The following UBE2D1 variants were observed in gnomAD, a reference collection of about 807,000 sequenced individuals.
The protein encoded by UBE2D1 is ubiquitin-conjugating enzyme E2 D1.
In UBE2D1, 9 loss-of-function variants were observed where a neutral mutation model predicts 24.6. That is an observed-to-expected ratio of 0.37 (90% CI 0.22 to 0.64). The LOEUF (loss-of-function observed/expected upper bound fraction) is 0.64, where lower values mean the gene tolerates loss of function less well. Ranked by LOEUF, UBE2D1 falls within the 30% of genes least tolerant of loss-of-function variation. UBE2D1 has a pLI of 0.64. For missense variants in UBE2D1, 87 were observed against 177.1 expected (o/e 0.49, Z 2.89); for synonymous variants, 57 against 57.6 (o/e 0.99, Z 0.04).
chr10:58,360,431 GA>G (rs112317823), intron 1 of UBE2D1, among the ~76,000 whole-genome samples: 80 of 146,384 alleles, frequency 5.5e-4, no homozygotes, highest in Middle Eastern at 3.5e-3. Flanking sequence ...TCTGTTAGAG[GA>G]AAAAAAAAAA....
At chr10:58,346,070 G>A (rs150266451) in intron 1 of UBE2D1, among the ~76,000 whole-genome samples, 2,924 of 150,744 alleles carry the variant, frequency 0.019, 45 homozygotes, top group Non-Finnish European at 0.031. Context: ...GAGTGCAGTG[G>A]TACAATCTTT....
At chr10:58,362,539 C>T (rs1350817506) in intron 3 of UBE2D1, among the ~76,000 whole-genome samples, 2 of 151,994 alleles carry the variant, frequency 1.3e-5, no homozygotes, top group Non-Finnish European at 2.9e-5. Context: ...AAAGGCCCAC[C>T]CTTACCTTTT....
chr10:58,365,092 GA>G (rs1164399351), intron 5 of UBE2D1, among the ~76,000 whole-genome samples: 1 of 152,144 alleles, frequency 6.6e-6, no homozygotes, highest in Non-Finnish European at 1.5e-5. Context: ...GATGAAATGA[GA>G]AAAAACCTTA....
chr10:58,337,338 G>A (rs999618833), intron 1 of UBE2D1, among the ~76,000 whole-genome samples: 4 of 152,034 alleles, frequency 2.6e-5, no homozygotes, highest in Admixed American at 2.0e-4. Context: ...AACCTTAGGG[G>A]TGATTATTTT....
intron 1 of UBE2D1, among the ~76,000 whole-genome samples, chr10:58,341,615 C>G (rs1839962358): frequency 6.6e-6 from 1 of 152,100 alleles, no homozygotes; most frequent in African/African-American, 2.4e-5. Context: ...TTTTAAGAAG[C>G]CAGGCACATA....
chr10:58,360,004 A>G (rs745617442), intron 1 of UBE2D1, among the ~76,000 whole-genome samples: 9 of 152,066 alleles, frequency 5.9e-5, no homozygotes, highest in Admixed American at 4.6e-4. Flanking sequence ...TCCCATGTCT[A>G]ATCCAGTCAC....
At chr10:58,347,830 G>A (rs1840033353) in intron 1 of UBE2D1, among the ~76,000 whole-genome samples, 1 of 151,932 alleles carries the variant, frequency 6.6e-6, no homozygotes, top group Non-Finnish European at 1.5e-5. Flanking sequence ...TATATTTTTA[G>A]TAGAGACGAG....
At chr10:58,357,337 GA>G (rs1373481380) in intron 1 of UBE2D1, among the ~76,000 whole-genome samples, 2 of 152,172 alleles carry the variant, frequency 1.3e-5, no homozygotes, top group African/African-American at 4.8e-5. Flanking sequence ...TTATAGCAGA[GA>G]AAGCATAGAT....
Position 58,368,722 on chromosome 10 carries a change from A to T in UBE2D1, c.401A>T (p.Tyr134Phe). The T allele has an allele frequency of 6.3e-7, 1 of 1,587,644 alleles. No individual in the cohort carries two copies. The change falls in exon 7 of 7, where the codon TAC (tyrosine) becomes TTC (phenylalanine). Residue 134 changes from tyrosine (Y) to phenylalanine (F), a missense_variant and splice_region_variant. Physicochemically the swap from Tyr to Phe is conservative, Grantham distance 22 (BLOSUM62 3). Transcript: ENST00000373910. The part of the protein sequence containing the change: ...AQIYKSDKEK[Y>F]NRHAREWTQK... ...ATATCCTTTTTGTGTATCTACAGAT[A>T]CAACAGACATGCAAGAGAATGGACT...
chr10:58,348,409 G>A (rs775617947), intron 1 of UBE2D1, among the ~76,000 whole-genome samples: 9 of 152,176 alleles, frequency 5.9e-5, no homozygotes, highest in Admixed American at 4.6e-4. Flanking sequence ...GAGGCAACAT[G>A]AAAAATGCAA....
Position 58,335,080 on chromosome 10 carries a change from A to C in UBE2D1, c.-122A>C. The C allele has an allele frequency of 1.9e-6, 2 of 1,076,972 alleles. No homozygotes were observed. The highest frequency in any genetic ancestry group is 2.7e-6 in the Non-Finnish European group (2 of 744,326). 66.7% of individuals were successfully genotyped at this position (1,076,972 alleles called of 1,614,324 possible). ...GCCCGGAGCGAGCCAGGGAGCGGCTAACCGGGGACCCACCGCGCGGAGCCA... is the reference window on the plus strand; with the variant it reads ...GCCCGGAGCGAGCCAGGGAGCGGCTCACCGGGGACCCACCGCGCGGAGCCA... On this transcript the variant is annotated 5_prime_UTR_variant, in exon 1 of 7. Coordinates refer to ENST00000373910, the MANE Select transcript of UBE2D1 (RefSeq NM_003338.5).
chr10:58,343,263 CT>C (rs546480276), intron 1 of UBE2D1, among the ~76,000 whole-genome samples: 12 of 151,558 alleles, frequency 7.9e-5, no homozygotes, highest in Admixed American at 1.3e-4. Flanking sequence ...TTCCCAGTAT[CT>C]TTTTTTTTCT....
chr10:58,362,899 G>T (rs7912527), intron 3 of UBE2D1, among the ~76,000 whole-genome samples: 11,037 of 151,922 alleles, frequency 0.073, 518 homozygotes, highest in African/African-American at 0.14. Context: ...GGTATAGTTT[G>T]CTAGCATTTT....
At chr10:58,336,651 C>T (rs1305360449) in intron 1 of UBE2D1, among the ~76,000 whole-genome samples, 1 of 151,988 alleles carries the variant, frequency 6.6e-6, no homozygotes, top group African/African-American at 2.4e-5. Flanking sequence ...ATATAAATAC[C>T]CTAATTTTGA....
chr10:58,349,648 A>G (rs1840052012), intron 1 of UBE2D1, among the ~76,000 whole-genome samples: 1 of 152,094 alleles, frequency 6.6e-6, no homozygotes, highest in African/African-American at 2.4e-5. Flanking sequence ...GTGGCAAAAT[A>G]CATTTTAAAA....
intron 4 of UBE2D1, 50 bp from the exon 5 acceptor site, chr10:58,364,721 A>G: frequency 1.1e-5 from 16 of 1,391,504 alleles, no homozygotes; most frequent in East Asian, 2.3e-5. Flanking sequence ...TTTTATTCAT[A>G]GTTGATTCAA....
At chr10:58,361,598 A>G in intron 3 of UBE2D1, 72 bp downstream of exon 3, 1 of 1,589,640 alleles carries the variant, frequency 6.3e-7, no homozygotes, top group Non-Finnish European at 8.6e-7. Flanking sequence ...ACCTTTGATC[A>G]GATGTTTGTG....
rs189682233 is a variant in UBE2D1 at position 58,350,191 on chromosome 10, G to A, written c.25-11147G>A. ...AAATGCTAGGTCATAGAGTATTTCCGTGTTTGCCATTAGTGGTTACTATCA... is the reference window on the plus strand; with the variant it reads ...AAATGCTAGGTCATAGAGTATTTCCATGTTTGCCATTAGTGGTTACTATCA... On this transcript the variant is annotated intron_variant, in intron 1 of 6. Coordinates refer to ENST00000373910, the MANE Select transcript of UBE2D1 (RefSeq NM_003338.5). Among the ~76,000 whole-genome samples the A allele has an allele frequency of 1.2e-4, 18 of 152,240 alleles. 1 individual carries two copies. The highest frequency in any genetic ancestry group is 6.2e-4 in the South Asian group (3 of 4,818).
chr10:58,352,478 C>T (rs985219158), intron 1 of UBE2D1, among the ~76,000 whole-genome samples: 1 of 150,986 alleles, frequency 6.6e-6, no homozygotes, highest in African/African-American at 2.4e-5. Context: ...ATGGATGTGG[C>T]GATATGTGCC....
Sources: allele counts gnomAD v4.1 joint callset (sites outside exome capture counted in the v4.1 genomes callset), GRCh38; gene constraint gnomAD v4.1.1; transcripts MANE v1.5; gene names NCBI Gene and HGNC (gene_info 2026-07-23, HGNC 2026-07-21).